PHF8: variants seen among roughly 807,000 people sequenced by gnomAD.
The protein encoded by PHF8 is histone lysine demethylase PHF8.
Under a neutral mutation model 74.4 loss-of-function variants are expected in PHF8, and 9 were observed. The ratio of observed to expected loss-of-function variants is 0.12; its 90% CI spans 0.07 to 0.21. The LOEUF is 0.21. Ranked by LOEUF, PHF8 falls within the 10% of genes least tolerant of loss-of-function variation. The probability of loss-of-function intolerance (pLI) is 1.00; values close to 1 mark genes in which losing one functional copy is unlikely to be tolerated. For missense variants in PHF8, 478 were observed against 816.6 expected (o/e 0.59, Z 5.05); for synonymous variants, 311 against 316.6 (o/e 0.98, Z 0.19).
intron 2 of PHF8, among the ~76,000 whole-genome samples, chrX:54,033,928 A>T (rs1181258303): frequency 1.9e-5 from 2 of 105,284 alleles, no homozygotes; most frequent in Admixed American, 1.0e-4. Flanking sequence ...TGTCTCAAAT[A>T]AAAAAAAAAA....
At chrX:53,991,428 G>C (rs1041593829) in intron 14 of PHF8, among the ~76,000 whole-genome samples, 2 of 109,127 alleles carry the variant, frequency 1.8e-5, no homozygotes, top group Admixed American at 9.8e-5. Flanking sequence ...TTGGGAGACC[G>C]AGGTGGGCGG....
chrX:54,025,664 G>A (rs1177951150), intron 2 of PHF8, among the ~76,000 whole-genome samples: 5 of 110,995 alleles, frequency 4.5e-5, no homozygotes, highest in Non-Finnish European at 3.8e-5. Flanking sequence ...TCCCATTTCA[G>A]CTACCAACTC....
chrX:54,040,356 A>G (rs1293666145), intron 2 of PHF8, among the ~76,000 whole-genome samples: 3 of 112,084 alleles, frequency 2.7e-5, no homozygotes, highest in African/African-American at 9.7e-5. Flanking sequence ...AAATGTACTC[A>G]GCATCTATTA....
intron 18 of PHF8, among the ~76,000 whole-genome samples, chrX:53,980,400 A>T (rs2065461303): frequency 9.0e-6 from 1 of 111,356 alleles, no homozygotes; most frequent in Non-Finnish European, 1.9e-5. Flanking sequence ...TATGCACAGA[A>T]GTATGACCAC....
intron 4 of PHF8, among the ~76,000 whole-genome samples, chrX:54,018,255 G>A (rs1377959924): frequency 9.0e-6 from 1 of 111,520 alleles, no homozygotes; most frequent in African/African-American, 3.3e-5. Context: ...CATACTTAAT[G>A]AGTTTCAGCC....
chrX:54,010,964 C>T (rs2065973850), intron 8 of PHF8, among the ~76,000 whole-genome samples, 158 bp downstream of exon 8: 1 of 111,408 alleles, frequency 9.0e-6, no homozygotes, highest in South Asian at 3.8e-4. Context: ...CCATGCTGCC[C>T]ACTGACTACC....
chrX:53,973,541 G>A (rs1257188151), intron 18 of PHF8, among the ~76,000 whole-genome samples: 2 of 111,297 alleles, frequency 1.8e-5, no homozygotes, highest in Non-Finnish European at 3.8e-5. Context: ...AAGCAATAGA[G>A]AAAGGATTCT....
At chrX:53,992,996 G>C in intron 13 of PHF8, 157 bp from the exon 14 acceptor site, 1 of 481,485 alleles carries the variant, frequency 2.1e-6, no homozygotes, top group South Asian at 2.8e-5. Flanking sequence ...CTGATCACAG[G>C]AGCAGGAGGT....
chrX:54,044,407 G>A lies in PHF8; in HGVS notation c.-738C>T, dbSNP rs1309864869. The A allele has an allele frequency of 5.3e-6, 4 of 752,299 alleles. No individual in the cohort carries two copies. Among genetic ancestry groups the A allele is most frequent in the Non-Finnish European group, 6.3e-6 (4 of 637,769 alleles). 62.0% of individuals were successfully genotyped at this position (752,299 alleles called of 1,213,427 possible). A position where few individuals can be genotyped will look rare whatever the true frequency, so the allele number is the denominator to read the frequency against. ...GAAATACGGGATAAACAGCTACCATGTTGAGAGTGGCGGCGCTACCCAGAC... is the reference window on the plus strand; with the variant it reads ...GAAATACGGGATAAACAGCTACCATATTGAGAGTGGCGGCGCTACCCAGAC... On this transcript the variant is annotated 5_prime_UTR_variant, in exon 1 of 22. Coordinates refer to ENST00000338154, the MANE Select transcript of PHF8 (RefSeq NM_015107.3).
intron 18 of PHF8, among the ~76,000 whole-genome samples, chrX:53,977,332 C>CA (rs1178890478): frequency 9.0e-6 from 1 of 110,542 alleles, no homozygotes; most frequent in African/African-American, 3.3e-5. Context: ...AAGACTGGCT[C>CA]AAAAAAACAA....
intron 19 of PHF8, among the ~76,000 whole-genome samples, chrX:53,950,837 G>A (rs1292136547): frequency 1.8e-5 from 2 of 112,072 alleles, no homozygotes; most frequent in South Asian, 3.7e-4. Flanking sequence ...GAGTTGCCAC[G>A]GCATTTAAAA....
At chrX:53,998,453 C>CATAA (rs1216651748) in intron 11 of PHF8, among the ~76,000 whole-genome samples, 25 of 108,897 alleles carry the variant, frequency 2.3e-4, no homozygotes, top group African/African-American at 8.1e-4. Context: ...GGTTCTGTCT[C>CATAA]ATAAATAAAT....
chrX:54,038,609 T>C (rs2066500882), intron 2 of PHF8, among the ~76,000 whole-genome samples: 1 of 112,025 alleles, frequency 8.9e-6, no homozygotes, highest in Non-Finnish European at 1.9e-5. Context: ...AAAATCCAGC[T>C]TCTTACAGGA....
At chrX:54,044,997 G>T, upstream of PHF8, 1 of 714,462 alleles carries the variant, frequency 1.4e-6, no homozygotes, top group Non-Finnish European at 2.1e-6. Flanking sequence ...CAGGGGCTTC[G>T]AGAAGCCAAG....
chrX:53,958,869 T>C (rs2065058699), intron 19 of PHF8, among the ~76,000 whole-genome samples: 1 of 109,482 alleles, frequency 9.1e-6, no homozygotes, highest in South Asian at 3.9e-4. Flanking sequence ...AAGGAAACTT[T>C]TCATTGTATA....
chrX:53,961,210 A>G (rs2065099416), intron 19 of PHF8, among the ~76,000 whole-genome samples: 1 of 109,754 alleles, frequency 9.1e-6, no homozygotes, highest in African/African-American at 3.3e-5. Flanking sequence ...TTTAGTAGAG[A>G]TGGGGTTTTA....
At chrX:54,008,095 G>A (rs190739283) in intron 8 of PHF8, among the ~76,000 whole-genome samples, 12 of 111,940 alleles carry the variant, frequency 1.1e-4, no homozygotes, top group East Asian at 2.8e-4. Flanking sequence ...AGTGGTCGGC[G>A]CAGTGGCTCA....
intron 2 of PHF8, among the ~76,000 whole-genome samples, chrX:54,026,221 G>C (rs782397327): frequency 1.5e-4 from 16 of 109,873 alleles, no homozygotes; most frequent in Non-Finnish European, 2.7e-4. Flanking sequence ...GGGAATGGTG[G>C]TGGGCGCCTA....
At chrX:54,006,017 T>C (rs782760362) in intron 8 of PHF8, among the ~76,000 whole-genome samples, 1 of 112,287 alleles carries the variant, frequency 8.9e-6, no homozygotes, top group Admixed American at 9.5e-5. Flanking sequence ...TTATAAAACT[T>C]TGTGATACAG....
Sources: gnomAD v4.1 joint callset for allele counts (sites outside exome capture counted in the v4.1 genomes callset) on GRCh38, gnomAD v4.1.1 for gene constraint, MANE v1.5 for transcripts, NCBI Gene and HGNC (gene_info 2026-07-23, HGNC 2026-07-21) for gene names.